The following PDE2A variants were observed in gnomAD, a reference collection of about 807,000 sequenced individuals.
The protein encoded by PDE2A is phosphodiesterase 2A, also known as cGMP-dependent 3',5'-cyclic phosphodiesterase.
A neutral mutation model predicts 133.6 loss-of-function variants in PDE2A; 53 were observed. That is an observed-to-expected ratio of 0.40 (90% CI 0.32 to 0.50). PDE2A has a LOEUF of 0.50. PDE2A is among the 20% of genes least tolerant of loss of function. The pLI, the probability that PDE2A is intolerant of heterozygous loss-of-function variation, is 0.73. For synonymous variants in PDE2A, 491 were observed against 490.2 expected (o/e 1.00, Z -0.02); for missense variants, 796 against 1,232.4 (o/e 0.65, Z 5.30).
At chr11:72,655,637 C>T (rs1854877718) in intron 1 of PDE2A, among the ~76,000 whole-genome samples, 1 of 152,148 alleles carries the variant, frequency 6.6e-6, no homozygotes, top group Admixed American at 6.5e-5. Context: ...GATATGGAGC[C>T]TATGCAAGTC....
intron 2 of PDE2A, among the ~76,000 whole-genome samples, chr11:72,637,359 G>A (rs1858746790): frequency 6.6e-6 from 1 of 152,260 alleles, no homozygotes; most frequent in Non-Finnish European, 1.5e-5. Context: ...GCTCAGGCTT[G>A]GAGGAAGGTG....
At chr11:72,592,341 C>G (rs1856289081) in intron 6 of PDE2A, among the ~76,000 whole-genome samples, 1 of 152,210 alleles carries the variant, frequency 6.6e-6, no homozygotes, top group South Asian at 2.1e-4. Context: ...CCTCCCCAGT[C>G]AGCAGCCAAT....
intron 2 of PDE2A, among the ~76,000 whole-genome samples, chr11:72,622,684 G>A (rs544910118): frequency 1.3e-5 from 2 of 152,318 alleles, no homozygotes; most frequent in East Asian, 1.9e-4. Context: ...TGGGTGCCAG[G>A]AGCTGGAGAC....
At chr11:72,577,767 G>A (rs1855533692) in intron 30 of PDE2A, among the ~76,000 whole-genome samples, 173 bp from the exon 31 acceptor site, 1 of 148,928 alleles carries the variant, frequency 6.7e-6, no homozygotes, top group South Asian at 2.1e-4. Flanking sequence ...GAAGTCAGGA[G>A]TTCAAGACCA....
intron 4 of PDE2A, chr11:72,598,425 G>T: frequency 9.5e-7 from 1 of 1,054,666 alleles, no homozygotes; most frequent in Non-Finnish European, 1.3e-6. Context: ...GGTTGGTATG[G>T]GAAGAATGAG....
rs545187856 is a variant in PDE2A, at chr11:72,637,119, T to C, written c.144+5135A>G. Among the ~76,000 whole-genome samples the C allele has an allele frequency of 2.2e-5, 3 of 137,414 alleles. No homozygotes were observed. The East Asian group carries it at 5.8e-4, about 27-fold the overall frequency. 90.1% of individuals were successfully genotyped at this position (137,414 alleles called of 152,430 possible). ...TCCAGAACTTTCTCCTGGCTTGACC[T>C]TAGCTCTCAGTTCAGATTTGTTTCC... On this transcript the variant is annotated intron_variant, in intron 2 of 30. Coordinates refer to ENST00000334456, the MANE Select transcript of PDE2A (RefSeq NM_002599.5).
chr11:72,662,977 C>T (rs1473463918), intron 1 of PDE2A, among the ~76,000 whole-genome samples: 2 of 152,172 alleles, frequency 1.3e-5, no homozygotes, highest in Non-Finnish European at 2.9e-5. Flanking sequence ...TCTTGCTGCT[C>T]ACACCTTTGC....
chr11:72,577,551 G>A lies in PDE2A; in HGVS notation c.2659C>T (p.Arg887Cys), dbSNP rs1333148077. 1.3e-5 allele frequency: 21 copies of A among 1,608,762 alleles called. No individual in the cohort carries two copies. Among genetic ancestry groups the A allele is most frequent in the Non-Finnish European group, 1.7e-5 (20 of 1,179,960 alleles). The change falls in exon 31 of 31, where the codon CGC becomes TGC. Residue 887 changes from arginine to cysteine, a missense_variant. Physicochemically the swap from Arg to Cys is radical, Grantham distance 180. This residue lies in a region of PDE2A where 83 missense variants were observed against 99.0 expected (regional missense o/e 0.84). Transcript: ENST00000334456. ...CAGTGCTCACGGTTGGAGGCCACGCGCTCGTACAGCTCTGCCGCTTTGGGG... is the reference window on the plus strand; with the variant it reads ...CAGTGCTCACGGTTGGAGGCCACGCACTCGTACAGCTCTGCCGCTTTGGGG... ...LFPKAAELYE[R>C]VASNREHWTK...
rs563062989 is a variant in PDE2A, at chr11:72,594,282, G to C, written c.489+2311C>G. Reference sequence around the variant, plus strand: ...TTGTCCAGGAAGGAGCTGGTGACTCGGCCTTCCCAAAAGATCAACCGACCC... The same window carrying C: ...TTGTCCAGGAAGGAGCTGGTGACTCCGCCTTCCCAAAAGATCAACCGACCC... On this transcript the variant is annotated intron_variant, in intron 6 of 30. Transcript: ENST00000334456. Among the ~76,000 whole-genome samples, 9 of 152,302 alleles carry C rather than the reference G, an allele frequency of 5.9e-5. No individual in the cohort carries two copies. In the South Asian group the frequency reaches 1.9e-3, roughly 32 times the overall value.
intron 1 of PDE2A, among the ~76,000 whole-genome samples, chr11:72,670,768 A>C (rs1207899452): frequency 6.6e-6 from 1 of 152,050 alleles, no homozygotes; most frequent in African/African-American, 2.4e-5. Flanking sequence ...CGGAGAAAGG[A>C]CATAAGGCCA....
At chr11:72,657,252 C>T (rs536232870) in intron 1 of PDE2A, among the ~76,000 whole-genome samples, 1 of 152,194 alleles carries the variant, frequency 6.6e-6, no homozygotes, top group East Asian at 1.9e-4. Flanking sequence ...GAGGGCTGAG[C>T]CTGGCTTTAT....
intron 1 of PDE2A, among the ~76,000 whole-genome samples, chr11:72,669,871 T>TG (rs1450786798): frequency 2.6e-5 from 4 of 152,208 alleles, no homozygotes; most frequent in Non-Finnish European, 1.5e-5. Context: ...CAAGCAAGGC[T>TG]GGGTCCCTCA....
intron 13 of PDE2A, among the ~76,000 whole-genome samples, chr11:72,586,411 C>T (rs1410962315): frequency 1.3e-5 from 2 of 152,226 alleles, no homozygotes; most frequent in African/African-American, 2.4e-5. Context: ...CCATACCTCC[C>T]GTCTCTGATT....
intron 2 of PDE2A, chr11:72,631,159 A>T: frequency 6.5e-7 from 1 of 1,534,646 alleles, no homozygotes; most frequent in Non-Finnish European, 8.8e-7. Context: ...CAAGAAGGTC[A>T]GGGGCTGAGG....
intron 13 of PDE2A, among the ~76,000 whole-genome samples, chr11:72,587,201 T>G (rs1591025599): frequency 6.6e-6 from 1 of 152,206 alleles, no homozygotes; most frequent in Non-Finnish European, 1.5e-5. Flanking sequence ...ATATCACCCA[T>G]GCCCAGTGCA....
rs746900550 is a variant in PDE2A at position 72,584,663 on chromosome 11, G to A, written c.1425C>T (p.Ile475=). ...IAGHVATTGQ[I]LNIPDAYAHP... is the part of the protein sequence containing the mutation. ...GGGCATATGCGTCAGGGATGTTCAG[G>A]ATCTGGCCCGTGGTCGCCACGTGTC... is the stretch of plus-strand genomic sequence containing the variant. The change falls in exon 18 of 31, where the codon ATC becomes ATT. Residue 475 remains isoleucine (I), a synonymous_variant. Transcript: ENST00000334456. 3 of 1,613,430 alleles carry A rather than the reference G, an allele frequency of 1.9e-6. No homozygotes were observed. The highest frequency in any genetic ancestry group is 2.5e-6 in the Non-Finnish European group (3 of 1,180,018).
intron 4 of PDE2A, among the ~76,000 whole-genome samples, chr11:72,602,168 C>G (rs1856774586): frequency 6.6e-6 from 1 of 152,138 alleles, no homozygotes; most frequent in Admixed American, 6.5e-5. Context: ...TGCAAGGGAG[C>G]AAGCAGCCCT....
chr11:72,666,560 C>T (rs889338573), intron 1 of PDE2A, among the ~76,000 whole-genome samples: 5 of 152,014 alleles, frequency 3.3e-5, no homozygotes, highest in Admixed American at 2.0e-4. Context: ...CAGGAAAGCG[C>T]GACCCAGGAG....
intron 2 of PDE2A, among the ~76,000 whole-genome samples, chr11:72,627,333 G>A (rs1005870970): frequency 2.0e-5 from 3 of 152,220 alleles, no homozygotes; most frequent in African/African-American, 7.2e-5. Context: ...CCAACTGTGG[G>A]CTCAGGGAAA....
Sources: gnomAD v4.1 joint callset for allele counts (sites outside exome capture counted in the v4.1 genomes callset) on GRCh38, gnomAD v4.1.1 for gene constraint, gnomAD v4.1.1 regional missense constraint, MANE v1.5 for transcripts, NCBI Gene and HGNC (gene_info 2026-07-23, HGNC 2026-07-21) for gene names.